The following ZNF804A variants were observed in gnomAD, a reference collection of about 807,000 sequenced individuals.
ZNF804A encodes the protein zinc finger protein 804A.
A neutral mutation model predicts 16.5 loss-of-function variants in ZNF804A; 2 were observed. The observed-to-expected ratio is 0.12, with a 90% CI of 0.05 to 0.38. ZNF804A has a LOEUF of 0.38. Ranked by LOEUF, ZNF804A falls within the 10% of genes least tolerant of loss-of-function variation. The pLI, the probability that ZNF804A is intolerant of heterozygous loss-of-function variation, is 0.99. For synonymous variants in ZNF804A, 534 were observed against 489.6 expected, an observed-to-expected ratio of 1.09 and a Z score of -1.20; for missense variants, 1,473 against 1,390.7, an observed-to-expected ratio of 1.06 and a Z score of -0.94.
At chr2:184,616,386 A>G (rs546385090) in intron 1 of ZNF804A, among the ~76,000 whole-genome samples, 3 of 152,298 alleles carry the variant, frequency 2.0e-5, no homozygotes, top group South Asian at 2.1e-4. Context: ...TACATATTAT[A>G]TGTAATTACT....
At chr2:184,752,505 T>C (rs1228234717) in intron 1 of ZNF804A, among the ~76,000 whole-genome samples, 1 of 151,056 alleles carries the variant, frequency 6.6e-6, no homozygotes, top group East Asian at 2.0e-4. Context: ...AGGGTGAGGG[T>C]TGAAAAATTG....
At chr2:184,858,676 C>G (rs1179297949) in intron 1 of ZNF804A, among the ~76,000 whole-genome samples, 4 of 151,722 alleles carry the variant, frequency 2.6e-5, no homozygotes, top group African/African-American at 9.7e-5. Flanking sequence ...TTTTTTTGAA[C>G]TTTCATACTA....
intron 1 of ZNF804A, among the ~76,000 whole-genome samples, chr2:184,760,160 C>T (rs968443295): frequency 9.2e-5 from 14 of 152,008 alleles, no homozygotes; most frequent in Non-Finnish European, 1.5e-4. Context: ...GCCATCTGGG[C>T]GTATACATGC....
At position 184,598,909 on chromosome 2, in the gene ZNF804A, C is replaced by A; in HGVS notation, c.-51C>A. 7.6e-7 allele frequency: 1 copy of A among 1,321,928 alleles called. No homozygotes were observed. The highest frequency in any genetic ancestry group is 1.0e-6 in the Non-Finnish European group (1 of 958,346). 81.9% of individuals were successfully genotyped at this position (1,321,928 alleles called of 1,614,324 possible). A position where few individuals can be genotyped will look rare whatever the true frequency, so the allele number is the denominator to read the frequency against. On this transcript the variant is annotated 5_prime_UTR_variant, in exon 1 of 4. Coordinates refer to ENST00000302277, the MANE Select transcript of ZNF804A (RefSeq NM_194250.2). ...GGCCCCGGCGCGCTGCGGCTGTGGG[C>A]GCGGGGTGCGTGGAAGCGGCGGCTG...
chr2:184,611,045 T>A (rs1691228974), intron 1 of ZNF804A, among the ~76,000 whole-genome samples: 1 of 152,138 alleles, frequency 6.6e-6, no homozygotes, highest in South Asian at 2.1e-4. Flanking sequence ...CTTCTCACAG[T>A]TCTAGAGGCT....
intron 1 of ZNF804A, among the ~76,000 whole-genome samples, chr2:184,865,961 A>T (rs988801347): frequency 6.6e-6 from 1 of 152,172 alleles, no homozygotes; most frequent in Non-Finnish European, 1.5e-5. Context: ...ACAAATATAG[A>T]CCTTTTCAAA....
At chr2:184,688,748 A>G (rs1390851632) in intron 1 of ZNF804A, among the ~76,000 whole-genome samples, 1 of 152,158 alleles carries the variant, frequency 6.6e-6, no homozygotes, top group Non-Finnish European at 1.5e-5. Flanking sequence ...TTTGTGCTAA[A>G]AGGAACATTT....
At chr2:184,800,768 A>C (rs533447160) in intron 1 of ZNF804A, among the ~76,000 whole-genome samples, 8 of 152,174 alleles carry the variant, frequency 5.3e-5, no homozygotes, top group African/African-American at 1.9e-4. Flanking sequence ...TTTCACTCCC[A>C]TCACTTATGA....
intron 1 of ZNF804A, among the ~76,000 whole-genome samples, chr2:184,721,646 T>A (rs968004805): frequency 6.6e-6 from 1 of 152,026 alleles, no homozygotes; most frequent in Non-Finnish European, 1.5e-5. Flanking sequence ...GAAATGTACA[T>A]TAATATAAGC....
intron 1 of ZNF804A, among the ~76,000 whole-genome samples, chr2:184,750,717 A>T (rs1466161904): frequency 2.0e-5 from 3 of 151,528 alleles, no homozygotes; most frequent in East Asian, 1.9e-4. Context: ...CAAATGTTTA[A>T]GTGCACAATA....
chr2:184,922,449 G>C (rs1685542999), intron 2 of ZNF804A, among the ~76,000 whole-genome samples: 1 of 151,860 alleles, frequency 6.6e-6, no homozygotes, highest in Non-Finnish European at 1.5e-5. Flanking sequence ...CTGATTATTT[G>C]ATTTTTTTCT....
At chr2:184,834,591 C>T (rs1695314765) in intron 1 of ZNF804A, among the ~76,000 whole-genome samples, 1 of 152,080 alleles carries the variant, frequency 6.6e-6, no homozygotes, top group Non-Finnish European at 1.5e-5. Flanking sequence ...AGAAAGAGTT[C>T]ATACAGATAT....
intron 1 of ZNF804A, among the ~76,000 whole-genome samples, chr2:184,858,176 TA>T (rs1245595595): frequency 2.6e-5 from 4 of 152,000 alleles, no homozygotes; most frequent in Non-Finnish European, 5.9e-5. Context: ...AAAATATATA[TA>T]TTTTTTATAG....
intron 2 of ZNF804A, among the ~76,000 whole-genome samples, chr2:184,878,929 G>T (rs1684763107): frequency 6.6e-6 from 1 of 151,812 alleles, no homozygotes; most frequent in Non-Finnish European, 1.5e-5. Flanking sequence ...CTATGGAATG[G>T]TTCATTTATT....
intron 1 of ZNF804A, among the ~76,000 whole-genome samples, chr2:184,736,924 A>G (rs1474050208): frequency 1.3e-5 from 2 of 149,414 alleles, no homozygotes; most frequent in Non-Finnish European, 1.5e-5. Flanking sequence ...TAGTGGTGGT[A>G]TTTATGAACA....
chr2:184,819,179 T>C (rs970726102), intron 1 of ZNF804A, among the ~76,000 whole-genome samples: 1 of 151,728 alleles, frequency 6.6e-6, no homozygotes, highest in African/African-American at 2.4e-5. Flanking sequence ...AGTAAAACAC[T>C]CCTCAGCAAA....
chr2:184,779,260 T>C (rs1694337874), intron 1 of ZNF804A, among the ~76,000 whole-genome samples: 1 of 151,678 alleles, frequency 6.6e-6, no homozygotes, highest in Admixed American at 6.6e-5. Flanking sequence ...CATCTGTGAT[T>C]TTTGAGCCAT....
intron 1 of ZNF804A, among the ~76,000 whole-genome samples, chr2:184,855,154 A>G (rs1038834476): frequency 2.6e-5 from 4 of 152,050 alleles, no homozygotes; most frequent in Admixed American, 1.3e-4. Flanking sequence ...GACAGCCCCT[A>G]TAGAAATTAA....
At chr2:184,842,704 A>G (rs1450886749) in intron 1 of ZNF804A, among the ~76,000 whole-genome samples, 1 of 152,144 alleles carries the variant, frequency 6.6e-6, no homozygotes, top group African/African-American at 2.4e-5. Context: ...AATTGCATGA[A>G]ATTAGATTTG....
Sources: gnomAD v4.1 joint callset for allele counts (sites outside exome capture counted in the v4.1 genomes callset) on GRCh38, gnomAD v4.1.1 for gene constraint, MANE v1.5 for transcripts, NCBI Gene and HGNC (gene_info 2026-07-23, HGNC 2026-07-21) for gene names.